TSTD2: variants seen among roughly 807,000 people sequenced by gnomAD.
TSTD2 encodes thiosulfate sulfurtransferase like domain containing 2, also known as thiosulfate sulfurtransferase/rhodanese-like domain-containing protein 2.
Under a neutral mutation model 47.9 loss-of-function variants are expected in TSTD2, and 37 were observed. That is an observed-to-expected ratio of 0.77 (90% CI 0.59 to 1.02). TSTD2 has a LOEUF of 1.02. TSTD2 is among the 50% of genes least tolerant of loss of function. The pLI is 0.00. For synonymous variants in TSTD2, 201 were observed against 215.9 expected (o/e 0.93, Z 0.61); for missense variants, 586 against 616.0 (o/e 0.95, Z 0.52).
intron 1 of TSTD2, among the ~76,000 whole-genome samples, chr9:97,632,953 G>A (rs141580742): frequency 6.3e-4 from 96 of 152,308 alleles, no homozygotes; most frequent in East Asian, 1.9e-3. Context: ...AGACATCAGG[G>A]GAGGGGACGC....
intron 6 of TSTD2, among the ~76,000 whole-genome samples, chr9:97,608,378 A>G (rs1231296379): frequency 1.3e-5 from 2 of 152,106 alleles, no homozygotes; most frequent in African/African-American, 4.8e-5. Flanking sequence ...GCTGATGCCT[A>G]TAATTCCAGC....
chr9:97,629,477 C>A (rs1401431650), intron 1 of TSTD2, among the ~76,000 whole-genome samples: 1 of 152,186 alleles, frequency 6.6e-6, no homozygotes, highest in African/African-American at 2.4e-5. Context: ...AAGGGTAAGG[C>A]AAGGTAATAC....
At chr9:97,603,749 G>T (rs996220541) in intron 9 of TSTD2, among the ~76,000 whole-genome samples, 1 of 152,154 alleles carries the variant, frequency 6.6e-6, no homozygotes, top group African/African-American at 2.4e-5. Context: ...ACCCAGGCTG[G>T]AGTACAGTGG....
At chr9:97,630,325 GATTT>G (rs367988516) in intron 1 of TSTD2, among the ~76,000 whole-genome samples, 38 of 152,106 alleles carry the variant, frequency 2.5e-4, no homozygotes, top group African/African-American at 9.2e-4. Flanking sequence ...AGCTTATTTT[GATTT>G]ATGTACATAC....
At position 97,606,219 on chromosome 9, in the gene TSTD2, T is replaced by C. The variant is rs1826362354; in HGVS notation, c.878A>G (p.Lys293Arg). 1.9e-6 allele frequency: 3 copies of C among 1,611,428 alleles called. No individual in the cohort carries two copies. Among genetic ancestry groups the C allele is most frequent in the African/African-American group, 1.3e-5 (1 of 74,812 alleles). Reference protein sequence around the residue: ...SPGEFHKEVEKFLSQANQEQS... With the variant: ...SPGEFHKEVERFLSQANQEQS... ...TTCTTGATTTGCCTGAGATAAAAAC[T>C]TTTCTACTTCTTTATGAAATTCACC... Residue 293 changes from lysine to arginine, a missense_variant, in exon 7 of 10, where the codon AAG (lysine) becomes AGG (arginine). Coordinates refer to ENST00000341170, the MANE Select transcript of TSTD2 (RefSeq NM_139246.5).
At position 97,601,784 on chromosome 9, in the gene TSTD2, T is replaced by C. The variant is rs1474740882; in HGVS notation, c.*685A>G. 5.8e-6 allele frequency: 1 copy of C among 171,696 alleles called. No individual in the cohort carries two copies. The highest frequency in any genetic ancestry group is 1.2e-5 in the Non-Finnish European group (1 of 85,896). The allele number at this position is 171,696 out of a possible 1,614,324, so 10.6% of individuals were successfully genotyped here. A position where few individuals can be genotyped will look rare whatever the true frequency, so the allele number is the denominator to read the frequency against. On this transcript the variant is annotated 3_prime_UTR_variant, in exon 10 of 10. Transcript: ENST00000341170. The stretch of plus-strand genomic sequence containing the variant: ...CTGCATGGCTGCACTTATATATGGA[T>C]TTTTTTCAACCATACAGGTTGAAAA...
At chr9:97,628,568 G>GT (rs1180351494) in intron 1 of TSTD2, among the ~76,000 whole-genome samples, 1 of 152,130 alleles carries the variant, frequency 6.6e-6, no homozygotes, top group Non-Finnish European at 1.5e-5. Context: ...ATTGAATGCT[G>GT]TATTTTAAAT....
Position 97,600,111 on chromosome 9 carries a change from C to G in TSTD2, c.*2358G>C. The stretch of plus-strand genomic sequence containing the variant: ...TGAAGTATTATAAAACACTTTATTA[C>G]AAATTTGTCTTAGCTATTAGCAAAT... On this transcript the variant is annotated 3_prime_UTR_variant, in exon 10 of 10. Coordinates refer to ENST00000341170, the MANE Select transcript of TSTD2 (RefSeq NM_139246.5). 2.0e-6 allele frequency: 2 copies of G among 1,006,560 alleles called. No individual in the cohort carries two copies. The highest frequency in any genetic ancestry group is 8.5e-5 in the South Asian group (2 of 23,626). The allele number at this position is 1,006,560 out of a possible 1,614,324, so 62.4% of individuals were successfully genotyped here.
chr9:97,608,031 A>C (rs1346590490), intron 6 of TSTD2, among the ~76,000 whole-genome samples: 4 of 152,128 alleles, frequency 2.6e-5, no homozygotes, highest in African/African-American at 9.7e-5. Context: ...AATACAAAAA[A>C]AATTAGCTGG....
At chr9:97,618,279 T>C (rs1826577903) in intron 3 of TSTD2, among the ~76,000 whole-genome samples, 1 of 152,208 alleles carries the variant, frequency 6.6e-6, no homozygotes, top group Admixed American at 6.5e-5. Context: ...CCTCTTTCTA[T>C]GATGCAGGTT....
chr9:97,614,573 T>A (rs12380027), intron 4 of TSTD2, among the ~76,000 whole-genome samples: 21,660 of 152,120 alleles, frequency 0.14, 2,042 homozygotes, highest in Middle Eastern at 0.35. Context: ...TGACAAGATC[T>A]GGAGAGGACT....
In TSTD2 at chr9:97,602,225, T is replaced by C; in HGVS notation, c.*244A>G. 2.0e-6 allele frequency: 1 copy of C among 499,108 alleles called. No homozygotes were observed. 30.9% of individuals were successfully genotyped at this position (499,108 alleles called of 1,614,324 possible). ...CTCAGGCTCTATCCCTCAGCAGCTT[T>C]GGGATCCCATGCAGCTCACCTATTT... On this transcript the variant is annotated 3_prime_UTR_variant, in exon 10 of 10. Coordinates refer to ENST00000341170, the MANE Select transcript of TSTD2 (RefSeq NM_139246.5).
intron 3 of TSTD2, among the ~76,000 whole-genome samples, chr9:97,623,156 G>A (rs1486134396): frequency 1.3e-5 from 2 of 152,192 alleles, no homozygotes. Context: ...GGAGGTAATT[G>A]AATCACGGGG....
At chr9:97,612,187 T>A (rs1164775968) in intron 4 of TSTD2, among the ~76,000 whole-genome samples, 2 of 152,238 alleles carry the variant, frequency 1.3e-5, no homozygotes, top group African/African-American at 4.8e-5. Flanking sequence ...GCAAAAGACA[T>A]GATCTTGTTC....
Position 97,627,398 on chromosome 9 carries a change from C to T in TSTD2, c.165G>A (p.Lys55=). 6.3e-7 allele frequency: 1 copy of T among 1,593,666 alleles called. No homozygotes were observed. The highest frequency in any genetic ancestry group is 2.2e-5 in the East Asian group (1 of 44,518). ...CATGAAACATTCATAAGAATTCTAC[C>T]TTTTTCTTTGCAAACGAGTATTTCT... The part of the protein sequence containing the change: ...TKKKYSFAKK[K]AFALFVKTKE... Residue 55 remains lysine (K), a splice_region_variant and synonymous_variant, in exon 2 of 10, where the codon AAG becomes AAA. Coordinates refer to ENST00000341170, the MANE Select transcript of TSTD2 (RefSeq NM_139246.5).
intron 3 of TSTD2, among the ~76,000 whole-genome samples, chr9:97,620,785 G>A (rs116676841): frequency 6.6e-6 from 1 of 152,128 alleles, no homozygotes; most frequent in Non-Finnish European, 1.5e-5. Context: ...ACGATTTAGG[G>A]TATCAGCAAA....
chr9:97,602,950 T>G, intron 9 of TSTD2, 183 bp from the exon 10 acceptor site: 1 of 552,730 alleles, frequency 1.8e-6, no homozygotes, highest in Non-Finnish European at 3.1e-6. Context: ...CCAGCTTATT[T>G]TTTTGTGGGG....
chr9:97,605,576 G>T lies in TSTD2; in HGVS notation c.1020C>A (p.Asp340Glu), dbSNP rs760932164. 13 of 1,614,098 alleles carry T rather than the reference G, an allele frequency of 8.1e-6. No homozygotes were observed. The Admixed American group carries it at 8.3e-5, about 10-fold the overall frequency. ...RKFSYFPSYVDKNLELFREKR... is the reference protein window; with the variant it reads ...RKFSYFPSYVEKNLELFREKR... ...TCTCTCTGAAAAGTTCTAGATTTTTGTCAACGTAGCTAGGGAAGTAACTGA... is the reference window on the plus strand; with the variant it reads ...TCTCTCTGAAAAGTTCTAGATTTTTTTCAACGTAGCTAGGGAAGTAACTGA... The change falls in exon 8 of 10, where the codon GAC becomes GAA. Residue 340 changes from aspartate (D) to glutamate (E), a missense_variant. Transcript: ENST00000341170.
chr9:97,611,838 G>A (rs1200643569), intron 4 of TSTD2, 139 bp from the exon 5 acceptor site: 2 of 800,748 alleles, frequency 2.5e-6, no homozygotes, highest in Non-Finnish European at 3.9e-6. Context: ...AAGTGTTACT[G>A]GACAAAGATA....
Sources: gnomAD v4.1 joint callset for allele counts (sites outside exome capture counted in the v4.1 genomes callset) on GRCh38, gnomAD v4.1.1 for gene constraint, MANE v1.5 for transcripts, NCBI Gene and HGNC (gene_info 2026-07-23, HGNC 2026-07-21) for gene names.